NPR3: variants seen among roughly 807,000 people sequenced by gnomAD.
NPR3 encodes the protein atrial natriuretic peptide receptor 3.
A neutral mutation model predicts 54.5 loss-of-function variants in NPR3; 34 were observed. The observed-to-expected ratio is 0.62, with a 90% CI of 0.47 to 0.83. The LOEUF (loss-of-function observed/expected upper bound fraction) is 0.83, where lower values mean the gene tolerates loss of function less well. NPR3 is among the 40% of genes least tolerant of loss of function. NPR3 has a pLI of 0.00. For synonymous variants in NPR3, 289 were observed against 297.1 expected, an observed-to-expected ratio of 0.97 and a Z score of 0.28; for missense variants, 674 against 720.8, an observed-to-expected ratio of 0.94 and a Z score of 0.74.
chr5:32,698,323 A>T (rs186930448), intron 1 of NPR3, among the ~76,000 whole-genome samples: 1 of 151,920 alleles, frequency 6.6e-6, no homozygotes, highest in East Asian at 1.9e-4. Flanking sequence ...TTTTATTTCA[A>T]GTTTTATTCC....
At chr5:32,719,839 T>C (rs1738760352) in intron 1 of NPR3, among the ~76,000 whole-genome samples, 1 of 151,772 alleles carries the variant, frequency 6.6e-6, no homozygotes, top group Admixed American at 6.6e-5. Flanking sequence ...TGGCCACTTT[T>C]AAAGTTACTG....
At chr5:32,719,019 T>TA in intron 1 of NPR3, among the ~76,000 whole-genome samples, 1 of 152,334 alleles carries the variant, frequency 6.6e-6, no homozygotes, top group East Asian at 1.9e-4. Flanking sequence ...TATTTTGAGA[T>TA]ACATTCCATC....
chr5:32,725,349 G>A (rs1190581663), intron 2 of NPR3, among the ~76,000 whole-genome samples: 1 of 152,126 alleles, frequency 6.6e-6, no homozygotes, highest in African/African-American at 2.4e-5. Flanking sequence ...ATGCAATTTT[G>A]GAAATTTGTG....
At chr5:32,777,905 A>T (rs964689179) in intron 4 of NPR3, among the ~76,000 whole-genome samples, 1 of 152,222 alleles carries the variant, frequency 6.6e-6, no homozygotes, top group African/African-American at 2.4e-5. Flanking sequence ...TTTGCACAAT[A>T]CACTGAGAAC....
At chr5:32,765,025 T>TA (rs1222686566) in intron 3 of NPR3, among the ~76,000 whole-genome samples, 1 of 152,182 alleles carries the variant, frequency 6.6e-6, no homozygotes, top group African/African-American at 2.4e-5. Context: ...TTCTTTTTTT[T>TA]ATAGCAAAGT....
At chr5:32,709,444 G>C (rs1738099268), upstream of NPR3, 1 of 149,718 alleles carries the variant, frequency 6.7e-6, no homozygotes, top group Non-Finnish European at 1.5e-5. Context: ...TGCCATAAAC[G>C]CCTGCCCTTC....
At chr5:32,702,203 G>A (rs367943599) in intron 1 of NPR3, among the ~76,000 whole-genome samples, 22 of 152,132 alleles carry the variant, frequency 1.4e-4, no homozygotes, top group Admixed American at 1.0e-3. Flanking sequence ...TCTACCTGGC[G>A]CACTAGTCTA....
At position 32,724,368 on chromosome 5, in the gene NPR3, T is replaced by C. The variant is rs183519523; in HGVS notation, c.770-330T>C. Among the ~76,000 whole-genome samples the C allele has an allele frequency of 3.2e-4, 49 of 152,338 alleles. No homozygotes were observed. In the East Asian group the frequency reaches 7.3e-3, roughly 23 times the overall value. ...TTTTAAAGAGCGTAGGCCGATTTTC[T>C]ACAGACCATCCCCCAAGTTGGGTTT... On this transcript the variant is annotated intron_variant, in intron 1 of 7. Coordinates refer to ENST00000265074, the MANE Select transcript of NPR3 (RefSeq NM_001204375.2).
chr5:32,786,545 A>G lies in NPR3; in HGVS notation c.*200A>G, dbSNP rs979994. The G allele has an allele frequency of 0.012, 6,948 of 564,194 alleles. 408 individuals are homozygous for G. Among genetic ancestry groups the G allele is most frequent in the African/African-American group, 0.12 (6,290 of 51,508 alleles). The allele number at this position is 564,194 out of a possible 1,614,324, so 34.9% of individuals were successfully genotyped here. ...CCTCCAGGCCTTTCATCTCATGACA[A>G]ACAAATATAATAATGATATCGTGTC... is the stretch of plus-strand genomic sequence containing the variant. On this transcript the variant is annotated 3_prime_UTR_variant, in exon 8 of 8. Transcript: ENST00000265074.
intron 6 of NPR3, chr5:32,783,230 T>C (rs1742431942): frequency 4.2e-6 from 2 of 472,194 alleles, no homozygotes; most frequent in Non-Finnish European, 3.7e-6. Flanking sequence ...TCCACAATGG[T>C]AGAATGTTTC....
At position 32,789,524 on chromosome 5, in the gene NPR3, T is replaced by TTTA. The variant is rs1742800376; in HGVS notation, c.*3179_*3180insTTA. On this transcript the variant is annotated 3_prime_UTR_variant, in exon 8 of 8. Transcript: ENST00000265074. Reference sequence around the variant, plus strand: ...TTCACATTTCAGAACCCATGTTTAATGGAGGGAAGAGAGAAATGCATGGGA... The same window carrying TTTA: ...TTCACATTTCAGAACCCATGTTTAATTTAGGAGGGAAGAGAGAAATGCATGGGA... The TTTA allele has an allele frequency of 1.9e-6, 1 of 534,640 alleles. No individual in the cohort carries two copies. The highest frequency in any genetic ancestry group is 1.9e-5 in the Admixed American group (1 of 51,572). The allele number at this position is 534,640 out of a possible 1,614,324, so 33.1% of individuals were successfully genotyped here. A position where few individuals can be genotyped will look rare whatever the true frequency, so the allele number is the denominator to read the frequency against.
intron 3 of NPR3, among the ~76,000 whole-genome samples, chr5:32,754,497 C>G (rs988418556): frequency 3.3e-5 from 5 of 152,026 alleles, no homozygotes; most frequent in Non-Finnish European, 7.4e-5. Flanking sequence ...GGGGTCCAGC[C>G]AATTGTTAAG....
chr5:32,779,106 C>T (rs1742210455), intron 4 of NPR3, among the ~76,000 whole-genome samples: 1 of 152,186 alleles, frequency 6.6e-6, no homozygotes, highest in Non-Finnish European at 1.5e-5. Context: ...GGCCTTCAAA[C>T]CACAACCCAA....
chr5:32,771,581 A>G (rs1317461824), intron 3 of NPR3, among the ~76,000 whole-genome samples: 5 of 152,180 alleles, frequency 3.3e-5, no homozygotes, highest in Non-Finnish European at 5.9e-5. Flanking sequence ...TGGGGCACAC[A>G]GTCAGTGCTT....
chr5:32,746,013 T>C (rs1039034161), intron 3 of NPR3, among the ~76,000 whole-genome samples: 3 of 152,198 alleles, frequency 2.0e-5, no homozygotes, highest in African/African-American at 7.2e-5. Flanking sequence ...GCTGCATTCT[T>C]ATGCCAGCAT....
At chr5:32,750,487 G>A (rs1740522521) in intron 3 of NPR3, among the ~76,000 whole-genome samples, 1 of 152,174 alleles carries the variant, frequency 6.6e-6, no homozygotes, top group Admixed American at 6.5e-5. Context: ...AGACTTGTAG[G>A]TTTATGTCTT....
intron 1 of NPR3, among the ~76,000 whole-genome samples, chr5:32,696,665 C>G (rs888825520): frequency 6.6e-6 from 1 of 152,098 alleles, no homozygotes; most frequent in African/African-American, 2.4e-5. Context: ...GTTGTGTCAT[C>G]TTCAATTTCT....
Position 32,692,934 on chromosome 5 carries a change from C to T in NPR3, c.100+3748C>T, listed in dbSNP as rs79428397. 3.1e-3 allele frequency among the ~76,000 whole-genome samples: 468 copies of T among 152,168 alleles called. 5 individuals are homozygous for T. The highest frequency in any genetic ancestry group is 0.011 in the African/African-American group (454 of 41,524). ...CCAGAAGTTTGAGACCCACCTGGGC[C>T]ACATAGTGAGACCCCTGTCTCTACA... is the stretch of plus-strand genomic sequence containing the variant. On this transcript the variant is annotated intron_variant, in intron 1 of 5. Transcript: ENST00000509104.
At chr5:32,699,467 C>G (rs2111814574) in intron 1 of NPR3, among the ~76,000 whole-genome samples, 1 of 152,290 alleles carries the variant, frequency 6.6e-6, no homozygotes, top group African/African-American at 2.4e-5. Flanking sequence ...CACTCATCCC[C>G]TAACCCCCTG....
Sources: gnomAD v4.1 joint callset for allele counts (sites outside exome capture counted in the v4.1 genomes callset) on GRCh38, gnomAD v4.1.1 for gene constraint, MANE v1.5 for transcripts, NCBI Gene and HGNC (gene_info 2026-07-23, HGNC 2026-07-21) for gene names.